Variants in STON2 observed in about 807,000 individuals in gnomAD.
STON2 encodes the protein stonin-2.
In STON2, 29 loss-of-function variants were observed where a neutral mutation model predicts 65.7. The ratio of observed to expected loss-of-function variants is 0.44; its 90% CI spans 0.33 to 0.60. The LOEUF (loss-of-function observed/expected upper bound fraction) is 0.60. Ranked by LOEUF, STON2 falls within the 20% of genes least tolerant of loss-of-function variation. STON2 has a pLI of 0.03. For synonymous variants in STON2, 404 were observed against 414.2 expected, an observed-to-expected ratio of 0.98 and a Z score of 0.30; for missense variants, 1,054 against 1,118.1, an observed-to-expected ratio of 0.94 and a Z score of 0.82.
chr14:81,429,696 G>A (rs1456526572), intron 1 of STON2, among the ~76,000 whole-genome samples: 1 of 152,168 alleles, frequency 6.6e-6, no homozygotes, highest in African/African-American at 2.4e-5. Context: ...CACTTTGGGA[G>A]GCCGAGGCAG....
chr14:81,325,706 T>C (rs1332398711), intron 4 of STON2, among the ~76,000 whole-genome samples: 14 of 152,164 alleles, frequency 9.2e-5, no homozygotes, highest in Non-Finnish European at 2.9e-5. Context: ...AAAAACTTAA[T>C]GATACATTTG....
At chr14:81,360,485 TA>T (rs534154141) in intron 4 of STON2, among the ~76,000 whole-genome samples, 2 of 151,770 alleles carry the variant, frequency 1.3e-5, no homozygotes, top group Admixed American at 1.3e-4. Flanking sequence ...TCTTTAATGA[TA>T]AAAAAAATAA....
intron 6 of STON2, among the ~76,000 whole-genome samples, chr14:81,275,988 A>T (rs1267038496): frequency 6.6e-6 from 1 of 152,216 alleles, no homozygotes; most frequent in Non-Finnish European, 1.5e-5. Flanking sequence ...TAGCGTATCC[A>T]CTTTCGTTAA....
intron 5 of STON2, among the ~76,000 whole-genome samples, chr14:81,290,658 C>T (rs1179026890): frequency 6.6e-6 from 1 of 152,132 alleles, no homozygotes; most frequent in Non-Finnish European, 1.5e-5. Flanking sequence ...CTACAGATGG[C>T]CCCTTTCATC....
intron 4 of STON2, among the ~76,000 whole-genome samples, chr14:81,344,137 C>G (rs1397703914): frequency 3.9e-5 from 6 of 152,102 alleles, no homozygotes. Context: ...AGGTCAGCCC[C>G]TAAACACATC....
Position 81,278,540 on chromosome 14 carries a change from T to A in STON2, c.942A>T (p.Pro314=). The part of the protein sequence containing the change: ...VTSPLKPNTP[P]SASVIPDVPY... Reference sequence around the variant, plus strand: ...GTACATCTGGGATCACAGATGCACTTGGTGGTGTATTTGGCTTCAGAGGAG... The same window carrying A: ...GTACATCTGGGATCACAGATGCACTAGGTGGTGTATTTGGCTTCAGAGGAG... Residue 314 remains proline, a synonymous_variant, in exon 6 of 8, where the codon CCA becomes CCT. Coordinates refer to ENST00000614646, the MANE Select transcript of STON2 (RefSeq NM_001394390.1). 1 of 1,613,396 alleles carries A rather than the reference T, an allele frequency of 6.2e-7. No individual in the cohort carries two copies. The highest frequency in any genetic ancestry group is 1.3e-5 in the African/African-American group (1 of 75,010).
chr14:81,378,148 GCCCATTT>G (rs1157431382), intron 3 of STON2, among the ~76,000 whole-genome samples: 1 of 150,714 alleles, frequency 6.6e-6, no homozygotes, highest in African/African-American at 2.4e-5. Flanking sequence ...ACCCAGCCTA[GCCCATTT>G]TTTTAATGGG....
chr14:81,280,605 CGCACATAATT>C (rs1195970497), intron 5 of STON2, among the ~76,000 whole-genome samples: 1 of 152,128 alleles, frequency 6.6e-6, no homozygotes, highest in East Asian at 1.9e-4. Context: ...TCAGCAATGC[CGCACATAATT>C]GCACATAATT....
intron 5 of STON2, among the ~76,000 whole-genome samples, chr14:81,296,689 CA>C (rs1189821516): frequency 6.6e-6 from 1 of 152,130 alleles, no homozygotes; most frequent in African/African-American, 2.4e-5. Context: ...GCAGGTTGCA[CA>C]ATATAAAACA....
In STON2 at chr14:81,420,086, C is replaced by T. The variant is rs79958801; in HGVS notation, c.-199+7016G>A. ...CATTTTGGGGGTGCATCTGCTAGAT[C>T]CTTTAGCAGCAGATGAGAAATCCAG... On this transcript the variant is annotated intron_variant, in intron 2 of 8. Coordinates refer to the STON2 transcript ENST00000553821. Among the ~76,000 whole-genome samples the T allele has an allele frequency of 6.5e-3, 985 of 152,264 alleles. 14 individuals carry two copies. Among genetic ancestry groups the T allele is most frequent in the African/African-American group, 0.023 (952 of 41,538 alleles).
At chr14:81,415,493 T>C (rs1901384053) in intron 2 of STON2, among the ~76,000 whole-genome samples, 1 of 151,860 alleles carries the variant, frequency 6.6e-6, no homozygotes, top group African/African-American at 2.4e-5. Context: ...TGCTAGATGT[T>C]AGGGATATAA....
At chr14:81,369,501 T>G (rs1898890182) in intron 4 of STON2, among the ~76,000 whole-genome samples, 1 of 152,092 alleles carries the variant, frequency 6.6e-6, no homozygotes, top group South Asian at 2.1e-4. Flanking sequence ...AGGGGCCCAT[T>G]TTGCAACTCT....
chr14:81,377,124 T>A (rs139224249), intron 3 of STON2, among the ~76,000 whole-genome samples: 138 of 152,332 alleles, frequency 9.1e-4, no homozygotes, highest in Non-Finnish European at 1.7e-3. Flanking sequence ...TCTTTCCTGC[T>A]GCACTTTCAT....
intron 5 of STON2, among the ~76,000 whole-genome samples, chr14:81,315,594 T>C (rs979384448): frequency 3.9e-5 from 6 of 152,264 alleles, no homozygotes; most frequent in African/African-American, 1.2e-4. Context: ...CTGAGATCCA[T>C]ATCCAAATCC....
At chr14:81,395,781 T>G (rs763672407) in intron 3 of STON2, 113 bp downstream of exon 3, 20 of 1,074,856 alleles carry the variant, frequency 1.9e-5, no homozygotes, top group Non-Finnish European at 2.5e-5. Context: ...ATGCGACCAG[T>G]GCTTCAGGGT....
chr14:81,327,478 TTCGG>T (rs1897041840), intron 4 of STON2, among the ~76,000 whole-genome samples: 1 of 152,194 alleles, frequency 6.6e-6, no homozygotes, highest in Admixed American at 6.5e-5. Flanking sequence ...AGATTTGATT[TTCGG>T]ACAGACTAGC....
At position 81,261,662 on chromosome 14, in the gene STON2, A is replaced by G; in HGVS notation, c.*6752T>C. 3.2e-6 allele frequency: 3 copies of G among 933,136 alleles called. No individual in the cohort carries two copies. In the South Asian group the frequency reaches 8.2e-5, roughly 26 times the overall value. The allele number at this position is 933,136 out of a possible 1,614,324, so 57.8% of individuals were successfully genotyped here. On this transcript the variant is annotated 3_prime_UTR_variant, in exon 8 of 8. Transcript: ENST00000614646. ...ATATTTTATACAAAATGACAAATAT[A>G]TATATACCTCATTGATTATCCTATC...
At chr14:81,310,663 TATTC>T in intron 5 of STON2, among the ~76,000 whole-genome samples, 1 of 152,342 alleles carries the variant, frequency 6.6e-6, no homozygotes, top group Middle Eastern at 3.4e-3. Flanking sequence ...TCTCATTTAA[TATTC>T]AATTATCTCT....
At chr14:81,331,466 T>C (rs1289309128) in intron 4 of STON2, among the ~76,000 whole-genome samples, 4 of 152,136 alleles carry the variant, frequency 2.6e-5, no homozygotes, top group African/African-American at 4.8e-5. Flanking sequence ...GACTCCAGCA[T>C]AGACTTCTGC....
Sources: allele counts gnomAD v4.1 joint callset (sites outside exome capture counted in the v4.1 genomes callset), GRCh38; gene constraint gnomAD v4.1.1; transcripts MANE v1.5; gene names NCBI Gene and HGNC (gene_info 2026-07-23, HGNC 2026-07-21).